Variants in STK39 observed in about 807,000 individuals in gnomAD.
The protein encoded by STK39 is serine/threonine kinase 39, also known as STE20/SPS1-related proline-alanine-rich protein kinase.
Under a neutral mutation model 77.8 loss-of-function variants are expected in STK39, and 20 were observed. That is an observed-to-expected ratio of 0.26 (90% CI 0.18 to 0.37). STK39 has a LOEUF of 0.37. Ranked by LOEUF, STK39 falls within the 10% of genes least tolerant of loss-of-function variation. The pLI is 1.00. For synonymous variants in STK39, 246 were observed against 234.1 expected (o/e 1.05, Z -0.47); for missense variants, 479 against 656.5 (o/e 0.73, Z 2.95).
At chr2:168,158,790 A>G (rs1322184769) in intron 5 of STK39, among the ~76,000 whole-genome samples, 6 of 152,232 alleles carry the variant, frequency 3.9e-5, no homozygotes, top group Admixed American at 3.9e-4. Context: ...GACTCAAAGC[A>G]TTCAGAATCC....
chr2:167,982,156 T>C (rs1304923445), intron 16 of STK39, among the ~76,000 whole-genome samples: 3 of 152,246 alleles, frequency 2.0e-5, no homozygotes, highest in South Asian at 2.1e-4. Context: ...ATTCTTGTTA[T>C]AGGCGTCCCA....
chr2:168,121,295 T>C (rs1270826145), intron 10 of STK39, among the ~76,000 whole-genome samples: 1 of 152,250 alleles, frequency 6.6e-6, no homozygotes, highest in African/African-American at 2.4e-5. Flanking sequence ...CTGCTCTACC[T>C]GTCTTCAAGA....
chr2:167,989,726 T>C (rs735893), intron 16 of STK39, among the ~76,000 whole-genome samples: 27,987 of 152,070 alleles, frequency 0.18, 2,794 homozygotes, highest in East Asian at 0.43. Context: ...AAATGAAATA[T>C]CACTTAGTCC....
At chr2:168,105,076 A>T (rs1487488750) in intron 10 of STK39, among the ~76,000 whole-genome samples, 19 of 152,328 alleles carry the variant, frequency 1.2e-4, no homozygotes, top group Non-Finnish European at 1.5e-5. Flanking sequence ...AAATACTAAG[A>T]CTGTGTGTTC....
At chr2:167,956,580 G>A (rs1341816931) in intron 17 of STK39, among the ~76,000 whole-genome samples, 2 of 148,820 alleles carry the variant, frequency 1.3e-5, no homozygotes, top group East Asian at 2.0e-4. Flanking sequence ...AAAAAAAAAG[G>A]AAGCCATTTC....
intron 16 of STK39, among the ~76,000 whole-genome samples, chr2:167,991,853 T>C (rs1353824533): frequency 6.6e-6 from 1 of 152,198 alleles, no homozygotes; most frequent in Non-Finnish European, 1.5e-5. Flanking sequence ...GTACACTGAA[T>C]TCTTCTGCTG....
At chr2:168,137,498 T>C (rs1467194545) in intron 8 of STK39, among the ~76,000 whole-genome samples, 1 of 152,210 alleles carries the variant, frequency 6.6e-6, no homozygotes, top group Non-Finnish European at 1.5e-5. Context: ...CACACTACAG[T>C]GCAGGGCAAT....
chr2:168,005,246 T>C (rs1192497149), intron 16 of STK39, among the ~76,000 whole-genome samples: 1 of 152,034 alleles, frequency 6.6e-6, no homozygotes, highest in Admixed American at 6.5e-5. Flanking sequence ...CATCAAGTGA[T>C]CTACTTGCCT....
chr2:168,075,247 C>T lies in STK39; in HGVS notation c.1090-16G>A. On this transcript the variant is annotated splice_polypyrimidine_tract_variant and intron_variant, in intron 10 of 17. Transcript: ENST00000355999. Reference sequence around the variant, plus strand: ...CTCTTCTTACCTGAATCAAAACAAGCCCACACAATTCTTCACTAGTCAAAT... The same window carrying T: ...CTCTTCTTACCTGAATCAAAACAAGTCCACACAATTCTTCACTAGTCAAAT... 1 of 1,613,160 alleles carries T rather than the reference C, an allele frequency of 6.2e-7. No individual in the cohort carries two copies. The highest frequency in any genetic ancestry group is 8.5e-7 in the Non-Finnish European group (1 of 1,179,990).
chr2:168,181,878 G>A (rs1451109612), intron 2 of STK39, 100 bp downstream of exon 2: 9 of 978,110 alleles, frequency 9.2e-6, no homozygotes, highest in Non-Finnish European at 1.4e-5. Flanking sequence ...AAATGCATAT[G>A]TCAAAACTGG....
At chr2:167,969,338 C>T (rs1214589880) in intron 16 of STK39, among the ~76,000 whole-genome samples, 1 of 152,180 alleles carries the variant, frequency 6.6e-6, no homozygotes, top group African/African-American at 2.4e-5. Flanking sequence ...TGTGTTACCT[C>T]CTTGAGCAAT....
chr2:168,038,488 C>T (rs1050636710), intron 14 of STK39, among the ~76,000 whole-genome samples: 5 of 145,894 alleles, frequency 3.4e-5, no homozygotes, highest in African/African-American at 1.0e-4. Context: ...AGGAAAAAAA[C>T]GAAGAAAATC....
At chr2:168,181,904 C>T (rs1689090548) in intron 2 of STK39, 74 bp downstream of exon 2, 1 of 1,317,086 alleles carries the variant, frequency 7.6e-7, no homozygotes, top group East Asian at 2.3e-5. Flanking sequence ...ACACCTTGCT[C>T]TTCTCCCAAC....
chr2:168,018,560 A>G (rs1368709876), intron 14 of STK39, among the ~76,000 whole-genome samples: 4 of 147,078 alleles, frequency 2.7e-5, no homozygotes, highest in Non-Finnish European at 5.9e-5. Context: ...GAAAGAAAGA[A>G]AGAAAGAAAG....
chr2:168,012,928 C>A (rs949535228), intron 15 of STK39, among the ~76,000 whole-genome samples: 1 of 152,146 alleles, frequency 6.6e-6, no homozygotes, highest in African/African-American at 2.4e-5. Context: ...ATTATTTTTT[C>A]TATTTTTGGC....
At chr2:168,048,574 A>G (rs1295953486) in intron 14 of STK39, among the ~76,000 whole-genome samples, 1 of 151,902 alleles carries the variant, frequency 6.6e-6, no homozygotes, top group Non-Finnish European at 1.5e-5. Context: ...TGAATATTGG[A>G]CCAAACTGGG....
chr2:168,225,079 T>C (rs1272710978), intron 1 of STK39, among the ~76,000 whole-genome samples: 1 of 152,182 alleles, frequency 6.6e-6, no homozygotes, highest in African/African-American at 2.4e-5. Flanking sequence ...AGCCATCGTT[T>C]TGAAAGTGAA....
intron 14 of STK39, among the ~76,000 whole-genome samples, chr2:168,034,707 C>T (rs774603830): frequency 1.3e-5 from 2 of 152,148 alleles, no homozygotes; most frequent in Non-Finnish European, 2.9e-5. Flanking sequence ...GGATCGGTCA[C>T]GCAGAAACGC....
At position 168,051,391 on chromosome 2, in the gene STK39, G is replaced by A. The variant is rs555274806; in HGVS notation, c.1376+12109C>T. Among the ~76,000 whole-genome samples the A allele has an allele frequency of 2.0e-5, 3 of 152,196 alleles. No homozygotes were observed. In the South Asian group the frequency reaches 6.2e-4, roughly 32 times the overall value. On this transcript the variant is annotated intron_variant, in intron 14 of 17. Transcript: ENST00000355999. ...TCAGGTAATTAACATTGACTTAAAT[G>A]CCACCAAAAAAAAGCTGTTTAAGGT...
Sources: allele counts gnomAD v4.1 joint callset (sites outside exome capture counted in the v4.1 genomes callset), GRCh38; gene constraint gnomAD v4.1.1; transcripts MANE v1.5; gene names NCBI Gene and HGNC (gene_info 2026-07-23, HGNC 2026-07-21).